Variants in OR4K17 observed in about 807,000 individuals in gnomAD.
The protein encoded by OR4K17 is olfactory receptor family 4 subfamily K member 17, also known as olfactory receptor 4K17.
For synonymous variants in OR4K17, 157 were observed against 132.8 expected (o/e 1.18, Z -1.25); for missense variants, 480 against 366.3 (o/e 1.31, Z -2.53).
chr14:20,116,465 C>T (rs1175638971), intron 1 of OR4K17, among the ~76,000 whole-genome samples: 1 of 152,088 alleles, frequency 6.6e-6, no homozygotes, highest in Non-Finnish European at 1.5e-5. Flanking sequence ...AGTATGGGGG[C>T]TGTTGCCACT....
chr14:20,121,748 A>G lies in OR4K17; in HGVS notation c.*3310A>G, dbSNP rs577412603. The G allele has an allele frequency of 1.3e-5, 2 of 152,260 alleles. No homozygotes were observed. Among genetic ancestry groups the G allele is most frequent in the African/African-American group, 2.4e-5 (1 of 41,584 alleles). 9.4% of individuals were successfully genotyped at this position (152,260 alleles called of 1,614,324 possible). A position where few individuals can be genotyped will look rare whatever the true frequency, so the allele number is the denominator to read the frequency against. On this transcript the variant is annotated 3_prime_UTR_variant, in exon 2 of 2. Transcript: ENST00000641386. ...AAGGGAACAAAGAGTGTAAAAAATA[A>G]CCAGAAAACAATTAATAAAATGGAG...
rs1878184391 is a variant in OR4K17, at chr14:20,122,100, C to T, written c.*3662C>T. ...TGCCTAAAGTCACTGAGGGATGACT[C>T]TACTTACCTACCAACAATTATCTGG... On this transcript the variant is annotated 3_prime_UTR_variant, in exon 2 of 2. Coordinates refer to ENST00000641386, the MANE Select transcript of OR4K17 (RefSeq NM_001004715.5). 1 of 152,000 alleles carries T rather than the reference C, an allele frequency of 6.6e-6. No individual in the cohort carries two copies. The highest frequency in any genetic ancestry group is 2.1e-4 in the South Asian group (1 of 4,836). The allele number at this position is 152,000 out of a possible 1,614,324, so 9.4% of individuals were successfully genotyped here. A position where few individuals can be genotyped will look rare whatever the true frequency, so the allele number is the denominator to read the frequency against.
Position 20,121,991 on chromosome 14 carries a change from T to C in OR4K17, c.*3553T>C, listed in dbSNP as rs1360424041. ...AATCATACAACAGAATGCATGTAAG[T>C]TTTATGCAAATACTGTGACATTTTG... On this transcript the variant is annotated 3_prime_UTR_variant, in exon 2 of 2. Coordinates refer to ENST00000641386, the MANE Select transcript of OR4K17 (RefSeq NM_001004715.5). The C allele has an allele frequency of 6.6e-6, 1 of 152,122 alleles. No homozygotes were observed. The highest frequency in any genetic ancestry group is 1.5e-5 in the Non-Finnish European group (1 of 67,984). 9.4% of individuals were successfully genotyped at this position (152,122 alleles called of 1,614,324 possible).
In OR4K17 at chr14:20,120,765, A is replaced by G. The variant is rs1245481079; in HGVS notation, c.*2327A>G. The G allele has an allele frequency of 6.6e-6, 1 of 152,300 alleles. No individual in the cohort carries two copies. The highest frequency in any genetic ancestry group is 2.4e-5 in the African/African-American group (1 of 41,446). 9.4% of individuals were successfully genotyped at this position (152,300 alleles called of 1,614,324 possible). On this transcript the variant is annotated 3_prime_UTR_variant, in exon 2 of 2. Transcript: ENST00000641386. ...TGGCTCCAGATCCATGGCTTCCCCT[A>G]GGGTACCCCTCGTCAGACATTTATG...
chr14:20,119,533 T>A lies in OR4K17; in HGVS notation c.*1095T>A, dbSNP rs904761708. ...ATGTCCATGAAATCTTCAAAATTTA[T>A]GTTCTTCTGTCACGGCTTCAGCAGG... On this transcript the variant is annotated 3_prime_UTR_variant, in exon 2 of 2. Coordinates refer to ENST00000641386, the MANE Select transcript of OR4K17 (RefSeq NM_001004715.5). 1.3e-5 allele frequency: 2 copies of A among 152,334 alleles called. No individual in the cohort carries two copies. The highest frequency in any genetic ancestry group is 4.8e-5 in the African/African-American group (2 of 41,440). 9.4% of individuals were successfully genotyped at this position (152,334 alleles called of 1,614,324 possible). A position where few individuals can be genotyped will look rare whatever the true frequency, so the allele number is the denominator to read the frequency against.
intron 1 of OR4K17, among the ~76,000 whole-genome samples, chr14:20,114,118 C>T (rs528688168): frequency 5.9e-4 from 89 of 151,982 alleles, no homozygotes; most frequent in African/African-American, 2.1e-3. Flanking sequence ...TTTTTACAAA[C>T]ATTTTAATTA....
intron 1 of OR4K17, among the ~76,000 whole-genome samples, chr14:20,113,141 T>A (rs927875009): frequency 1.3e-5 from 2 of 152,044 alleles, no homozygotes; most frequent in Non-Finnish European, 2.9e-5. Flanking sequence ...CCAAAAAAAA[T>A]TATGTTTTAA....
chr14:20,113,699 C>T (rs2139053385), intron 1 of OR4K17, among the ~76,000 whole-genome samples: 1 of 152,078 alleles, frequency 6.6e-6, no homozygotes, highest in South Asian at 2.1e-4. Flanking sequence ...CATTGCCTAA[C>T]ATTGTCTTCC....
chr14:20,118,434 C>T lies in OR4K17; in HGVS notation c.935C>T (p.Thr312Ile). The change falls in exon 2 of 2, where the codon ACT becomes ATT. Residue 312 changes from threonine to isoleucine, a missense_variant. Transcript: ENST00000641386. ...WRAFVNSRED[T>I] ...GCTTTTGTGAATTCTAGAGAAGATACTTAGATTAAAAATATAATGGTAGAG... is the reference window on the plus strand; with the variant it reads ...GCTTTTGTGAATTCTAGAGAAGATATTTAGATTAAAAATATAATGGTAGAG... 2 of 1,571,248 alleles carry T rather than the reference C, an allele frequency of 1.3e-6. No individual in the cohort carries two copies. The highest frequency in any genetic ancestry group is 1.4e-5 in the African/African-American group (1 of 73,510).
chr14:20,117,008 G>C (rs1237709252), intron 1 of OR4K17, among the ~76,000 whole-genome samples: 1 of 152,012 alleles, frequency 6.6e-6, no homozygotes, highest in Non-Finnish European at 1.5e-5. Context: ...AAAACTCTGG[G>C]GATGATTCAG....
chr14:20,122,145 A>C lies in OR4K17; in HGVS notation c.*3707A>C, dbSNP rs1347221257. ...ATCTGGAATGTGAATGAATTAAATT[A>C]TCTGAACAAAAGACACAGAGTGGCT... On this transcript the variant is annotated 3_prime_UTR_variant, in exon 2 of 2. Transcript: ENST00000641386. 1 of 152,086 alleles carries C rather than the reference A, an allele frequency of 6.6e-6. No homozygotes were observed. Among genetic ancestry groups the C allele is most frequent in the Admixed American group, 6.6e-5 (1 of 15,256 alleles). The allele number at this position is 152,086 out of a possible 1,614,324, so 9.4% of individuals were successfully genotyped here.
chr14:20,117,667 T>C lies in OR4K17; in HGVS notation c.168T>C (p.Asn56=), dbSNP rs759363710. ...IVTVFNTPNL[N]TPMYFLLGNL... is the part of the protein sequence containing the mutation. ...CAGTGTTTAACACCCCTAACCTGAA[T>C]ACTCCCATGTATTTTCTCCTTGGTA... The change falls in exon 2 of 2, where the codon AAT becomes AAC. Residue 56 remains asparagine, a synonymous_variant. Coordinates refer to ENST00000641386, the MANE Select transcript of OR4K17 (RefSeq NM_001004715.5). 2.5e-6 allele frequency: 4 copies of C among 1,614,084 alleles called. No homozygotes were observed. The highest frequency in any genetic ancestry group is 2.5e-6 in the Non-Finnish European group (3 of 1,179,964).
At chr14:20,114,312 C>T (rs550596052) in intron 1 of OR4K17, among the ~76,000 whole-genome samples, 8 of 151,952 alleles carry the variant, frequency 5.3e-5, no homozygotes, top group Non-Finnish European at 1.0e-4. Flanking sequence ...AAATCAAATT[C>T]ATGCATATTT....
rs1367925058 is a variant in OR4K17, at chr14:20,118,694, A to C, written c.*256A>C. On this transcript the variant is annotated 3_prime_UTR_variant, in exon 2 of 2. Transcript: ENST00000641386. Reference sequence around the variant, plus strand: ...CAAGCTGCAAAACCAGCAAGTTTTTATTATGGATTTCAAAAGGGAGGCAGT... The same window carrying C: ...CAAGCTGCAAAACCAGCAAGTTTTTCTTATGGATTTCAAAAGGGAGGCAGT... 9.8e-6 allele frequency: 3 copies of C among 305,430 alleles called. No individual in the cohort carries two copies. The highest frequency in any genetic ancestry group is 1.8e-5 in the Non-Finnish European group (3 of 164,580). The allele number at this position is 305,430 out of a possible 1,614,324, so 18.9% of individuals were successfully genotyped here.
chr14:20,121,730 C>T lies in OR4K17; in HGVS notation c.*3292C>T, dbSNP rs996341191. ...ATGAAGCAAAAGAAAAGGAAGGGAA[C>T]AAAGAGTGTAAAAAATAACCAGAAA... On this transcript the variant is annotated 3_prime_UTR_variant, in exon 2 of 2. Coordinates refer to ENST00000641386, the MANE Select transcript of OR4K17 (RefSeq NM_001004715.5). The T allele has an allele frequency of 6.6e-6, 1 of 151,858 alleles. No individual in the cohort carries two copies. The highest frequency in any genetic ancestry group is 1.5e-5 in the Non-Finnish European group (1 of 67,910). 9.4% of individuals were successfully genotyped at this position (151,858 alleles called of 1,614,324 possible).
In OR4K17 at chr14:20,118,926, T is replaced by C. The variant is rs1236046441; in HGVS notation, c.*488T>C. 6.4e-6 allele frequency: 1 copy of C among 155,356 alleles called. No individual in the cohort carries two copies. Among genetic ancestry groups the C allele is most frequent in the Non-Finnish European group, 1.4e-5 (1 of 70,462 alleles). 9.6% of individuals were successfully genotyped at this position (155,356 alleles called of 1,614,324 possible). Reference sequence around the variant, plus strand: ...AGCGGACAACCGGTCTGACTAAAATTTACTAGGCAGGAATTTCCTCACCCT... The same window carrying C: ...AGCGGACAACCGGTCTGACTAAAATCTACTAGGCAGGAATTTCCTCACCCT... On this transcript the variant is annotated 3_prime_UTR_variant, in exon 2 of 2. Coordinates refer to ENST00000641386, the MANE Select transcript of OR4K17 (RefSeq NM_001004715.5).
In OR4K17 at chr14:20,118,071, A is replaced by G. The variant is rs749451871; in HGVS notation, c.572A>G (p.Asp191Gly). 67 of 1,614,012 alleles carry G rather than the reference A, an allele frequency of 4.2e-5. No individual in the cohort carries two copies. Among genetic ancestry groups the G allele is most frequent in the Non-Finnish European group, 5.6e-5 (66 of 1,180,026 alleles). The change falls in exon 2 of 2, where the codon GAC (aspartate) becomes GGC (glycine). Residue 191 changes from aspartate to glycine, a missense_variant. By Grantham distance (94) the Asp-to-Gly change is moderately conservative (BLOSUM62 -1). Coordinates refer to ENST00000641386, the MANE Select transcript of OR4K17 (RefSeq NM_001004715.5). ...LPLVTKLACI[D>G]IYFVQVVIVA... ...TTGGTTACTAAGCTTGCCTGTATAG[A>G]CATATATTTTGTACAGGTAGTCATT...
intron 1 of OR4K17, chr14:20,111,885 A>G (rs1385412048): frequency 6.6e-6 from 1 of 152,054 alleles, no homozygotes; most frequent in Non-Finnish European, 1.5e-5. Context: ...TGCCTTAGCT[A>G]CTTTTTTGTG....
At position 20,118,776 on chromosome 14, in the gene OR4K17, A is replaced by G. The variant is rs1451956749; in HGVS notation, c.*338A>G. ...ATGCATCACAAGGCAATAAAATATC[A>G]CAAGGCAAATGGGGACAGAGCAAGA... On this transcript the variant is annotated 3_prime_UTR_variant, in exon 2 of 2. Coordinates refer to ENST00000641386, the MANE Select transcript of OR4K17 (RefSeq NM_001004715.5). 7 of 183,656 alleles carry G rather than the reference A, an allele frequency of 3.8e-5. No homozygotes were observed. The East Asian group carries it at 7.7e-4, about 20-fold the overall frequency. The allele number at this position is 183,656 out of a possible 1,614,324, so 11.4% of individuals were successfully genotyped here.
Sources: gnomAD v4.1 joint callset for allele counts (sites outside exome capture counted in the v4.1 genomes callset) on GRCh38, gnomAD v4.1.1 for gene constraint, MANE v1.5 for transcripts, NCBI Gene and HGNC (gene_info 2026-07-23, HGNC 2026-07-21) for gene names.